ARSG: variants seen among roughly 807,000 people sequenced by gnomAD.
The protein encoded by ARSG is arylsulfatase G.
In ARSG, 37 loss-of-function variants were observed where a neutral mutation model predicts 50.5. That is an observed-to-expected ratio of 0.73 (90% confidence interval 0.56 to 0.96). The LOEUF is 0.96. Among genes scored for constraint, ARSG ranks in the 50% least tolerant of loss-of-function variants. ARSG has a pLI of 0.00. For missense variants in ARSG, 629 were observed against 675.3 expected (o/e 0.93, Z 0.76); for synonymous variants, 225 against 254.6 (o/e 0.88, Z 1.11).
intron 8 of ARSG, among the ~76,000 whole-genome samples, chr17:68,377,692 T>C (rs144303551): frequency 3.5e-4 from 53 of 152,290 alleles, no homozygotes; most frequent in African/African-American, 1.0e-3. Context: ...TAGAAGGGGA[T>C]TGGCAAACAC....
At chr17:68,352,043 G>A (rs992939790) in intron 5 of ARSG, among the ~76,000 whole-genome samples, 1 of 151,446 alleles carries the variant, frequency 6.6e-6, no homozygotes, top group Admixed American at 6.6e-5. Flanking sequence ...GGGAGGGAGA[G>A]AGCAGAGGAG....
At chr17:68,397,910 G>A (rs2081313204) in intron 10 of ARSG, among the ~76,000 whole-genome samples, 1 of 152,038 alleles carries the variant, frequency 6.6e-6, no homozygotes, top group African/African-American at 2.4e-5. Context: ...GGTATTACAG[G>A]CGTTCACCAC....
At chr17:68,419,019 A>G (rs918934139) in intron 11 of ARSG, among the ~76,000 whole-genome samples, 1 of 124,168 alleles carries the variant, frequency 8.1e-6, no homozygotes, top group African/African-American at 4.3e-5. Flanking sequence ...AGCAAAGCCA[A>G]AAAAAAAAAA....
intron 8 of ARSG, among the ~76,000 whole-genome samples, chr17:68,377,821 G>T (rs1397937688): frequency 6.6e-6 from 1 of 152,226 alleles, no homozygotes; most frequent in Non-Finnish European, 1.5e-5. Context: ...GGCACCTCAA[G>T]ATAACATTCT....
At chr17:68,433,916 G>T in the ARSG span, among the ~76,000 whole-genome samples, 9 of 151,670 alleles carry the variant, frequency 5.9e-5, no homozygotes, top group Non-Finnish European at 1.0e-4. Flanking sequence ...CCAAGTAGCT[G>T]GGATTACAGG....
chr17:68,426,604 C>T (rs185637147), downstream of ARSG, among the ~76,000 whole-genome samples: 316 of 152,312 alleles, frequency 2.1e-3, no homozygotes, highest in African/African-American at 7.5e-3. Context: ...ATGATCTCAG[C>T]TCACTGCAAT....
intron 4 of ARSG, among the ~76,000 whole-genome samples, chr17:68,348,738 A>C (rs2078623355): frequency 6.6e-6 from 1 of 152,112 alleles, no homozygotes; most frequent in Non-Finnish European, 1.5e-5. Flanking sequence ...TTTGATTAAA[A>C]GCTTGGGTTG....
intron 2 of ARSG, among the ~76,000 whole-genome samples, chr17:68,321,980 G>A (rs543550625): frequency 1.3e-5 from 2 of 152,138 alleles, no homozygotes; most frequent in Non-Finnish European, 2.9e-5. Flanking sequence ...AAAAGGTGAC[G>A]TGCAGGCCAG....
chr17:68,413,469 G>A (rs1462453095), intron 11 of ARSG, among the ~76,000 whole-genome samples: 2 of 152,164 alleles, frequency 1.3e-5, no homozygotes, highest in South Asian at 2.1e-4. Context: ...CAGTCTGCCC[G>A]TTCTCAGATC....
intron 2 of ARSG, among the ~76,000 whole-genome samples, chr17:68,309,463 C>T (rs573893360): frequency 2.0e-5 from 3 of 152,368 alleles, no homozygotes; most frequent in African/African-American, 4.8e-5. Context: ...AGCACGCTGT[C>T]ACCTCTCAGG....
intron 2 of ARSG, among the ~76,000 whole-genome samples, chr17:68,314,952 C>G (rs1044996706): frequency 6.6e-6 from 1 of 152,216 alleles, no homozygotes; most frequent in Non-Finnish European, 1.5e-5. Flanking sequence ...TTGGGGCCAA[C>G]ACCTTTATTT....
At chr17:68,272,523 T>G in intron 1 of ARSG, 1 of 1,202,104 alleles carries the variant, frequency 8.3e-7, no homozygotes, top group Non-Finnish European at 1.2e-6. Flanking sequence ...GTAAATAACG[T>G]CTCATTACAC....
Position 68,273,210 on chromosome 17 carries a change from A to AT in ARSG, c.-552+13797dup, listed in dbSNP as rs879951885. 3.0e-3 allele frequency among the ~76,000 whole-genome samples: 431 copies of AT among 144,106 alleles called. 1 individual carries two copies. The highest frequency in any genetic ancestry group is 7.0e-3 in the Admixed American group (101 of 14,394). The allele number at this position is 144,106 out of a possible 152,430, so 94.5% of individuals were successfully genotyped here. A position where few individuals can be genotyped will look rare whatever the true frequency, so the allele number is the denominator to read the frequency against. ...ATGGCCTCCTTTTATTGTTCATTTC[A>AT]TTTTTTTTTTTTTAAACAGACAGGG... On this transcript the variant is annotated intron_variant, in intron 1 of 11. Transcript: ENST00000448504.
At chr17:68,317,537 TGTC>T (rs1555768966) in intron 2 of ARSG, among the ~76,000 whole-genome samples, 1 of 151,938 alleles carries the variant, frequency 6.6e-6, no homozygotes, top group Admixed American at 6.6e-5. Flanking sequence ...CAGAGGGCGT[TGTC>T]GTTTAGGGCC....
the ARSG span, among the ~76,000 whole-genome samples, chr17:68,432,542 G>C: frequency 2.0e-5 from 3 of 152,256 alleles, no homozygotes; most frequent in African/African-American, 4.8e-5. Flanking sequence ...AGGTCCGCAT[G>C]TGTCAGCATT....
At chr17:68,326,764 G>A (rs1272031483) in intron 2 of ARSG, among the ~76,000 whole-genome samples, 2 of 152,180 alleles carry the variant, frequency 1.3e-5, no homozygotes, top group Non-Finnish European at 2.9e-5. Flanking sequence ...TGCCAAACGG[G>A]GTCCAGATCA....
chr17:68,326,006 C>T (rs2077487835), intron 2 of ARSG, among the ~76,000 whole-genome samples: 1 of 152,106 alleles, frequency 6.6e-6, no homozygotes, highest in South Asian at 2.1e-4. Context: ...AGGTAGAGTG[C>T]AGGACCCGAG....
chr17:68,322,989 C>T (rs1345293072), intron 2 of ARSG, among the ~76,000 whole-genome samples: 1 of 152,028 alleles, frequency 6.6e-6, no homozygotes, highest in Non-Finnish European at 1.5e-5. Flanking sequence ...GCCTGGTCAA[C>T]ATAGCAAGAC....
intron 11 of ARSG, among the ~76,000 whole-genome samples, chr17:68,402,726 C>T (rs899471345): frequency 1.3e-5 from 2 of 152,020 alleles, no homozygotes; most frequent in Non-Finnish European, 2.9e-5. Flanking sequence ...AGGGTTTCAC[C>T]GTGTTAGCCA....
Sources: gnomAD v4.1 joint callset for allele counts (sites outside exome capture counted in the v4.1 genomes callset) on GRCh38, gnomAD v4.1.1 for gene constraint, MANE v1.5 for transcripts, NCBI Gene and HGNC (gene_info 2026-07-23, HGNC 2026-07-21) for gene names.